The following GJB7 variants were observed in gnomAD, a reference collection of about 807,000 sequenced individuals.
GJB7 encodes gap junction beta-7 protein.
For missense variants in GJB7, 253 were observed against 256.8 expected, an observed-to-expected ratio of 0.99 and a Z score of 0.10; for synonymous variants, 87 against 95.2, an observed-to-expected ratio of 0.91 and a Z score of 0.50.
At chr6:87,302,669 T>C (rs1582560516) in intron 2 of GJB7, among the ~76,000 whole-genome samples, 2 of 151,962 alleles carry the variant, frequency 1.3e-5, no homozygotes, top group East Asian at 3.9e-4. Flanking sequence ...ATTCAGGAAA[T>C]ACAGAGAATG....
chr6:87,285,593 C>T (rs1165154122), intron 2 of GJB7, among the ~76,000 whole-genome samples: 1 of 152,158 alleles, frequency 6.6e-6, no homozygotes, highest in Admixed American at 6.5e-5. Context: ...AGAGAGTCTC[C>T]CTCTTCTTAC....
At position 87,316,495 on chromosome 6, in the gene GJB7, G is replaced by C. The variant is rs1776586566; in HGVS notation, c.-28+6371C>G. Among the ~76,000 whole-genome samples, 5 of 152,330 alleles carry C rather than the reference G, an allele frequency of 3.3e-5. No individual in the cohort carries two copies. The South Asian group carries it at 1.0e-3, about 32-fold the overall frequency. ...ATAAGTAGGAGTGAGGCAAAGGGCA[G>C]GTGTAGGAAAGAGTGTTCCATCAGG... On this transcript the variant is annotated intron_variant, in intron 2 of 2. Coordinates refer to ENST00000525899, the MANE Select transcript of GJB7 (RefSeq NM_198568.3).
At chr6:87,297,657 T>C (rs943151843) in intron 2 of GJB7, among the ~76,000 whole-genome samples, 16 of 152,202 alleles carry the variant, frequency 1.1e-4, no homozygotes, top group African/African-American at 3.6e-4. Flanking sequence ...GAAAAGGCAA[T>C]TGAATATACA....
intron 2 of GJB7, among the ~76,000 whole-genome samples, chr6:87,317,548 G>A (rs1470837614): frequency 6.6e-6 from 1 of 151,660 alleles, no homozygotes; most frequent in Non-Finnish European, 1.5e-5. Flanking sequence ...TCCTGCCTCA[G>A]CCTCCCAAGT....
chr6:87,322,842 A>C (rs1400624193), intron 2 of GJB7, 24 bp downstream of exon 2: 1 of 152,090 alleles, frequency 6.6e-6, no homozygotes, highest in African/African-American at 2.4e-5. Flanking sequence ...CTCTGGCCCC[A>C]CAGAGCCCAT....
At chr6:87,310,827 CT>C (rs1304088268) in intron 2 of GJB7, among the ~76,000 whole-genome samples, 1 of 152,142 alleles carries the variant, frequency 6.6e-6, no homozygotes, top group African/African-American at 2.4e-5. Flanking sequence ...CTTAAACACA[CT>C]TTGTATAAGA....
chr6:87,326,585 G>T (rs1208130811), intron 1 of GJB7, among the ~76,000 whole-genome samples: 2 of 148,908 alleles, frequency 1.3e-5, no homozygotes, highest in African/African-American at 5.0e-5. Flanking sequence ...TTTTGAGTGA[G>T]ATTCTTAATC....
At chr6:87,297,544 A>C (rs1776264479) in intron 2 of GJB7, among the ~76,000 whole-genome samples, 1 of 152,360 alleles carries the variant, frequency 6.6e-6, no homozygotes, top group East Asian at 1.9e-4. Context: ...AAAATTAAAA[A>C]TTGTTAATAA....
intron 2 of GJB7, among the ~76,000 whole-genome samples, chr6:87,287,756 A>G (rs1016601352): frequency 1.3e-5 from 2 of 152,168 alleles, no homozygotes; most frequent in African/African-American, 4.8e-5. Flanking sequence ...CTTGTTGGGC[A>G]TTTTAGAGGT....
intron 2 of GJB7, among the ~76,000 whole-genome samples, chr6:87,311,351 T>C (rs1291454389): frequency 6.6e-6 from 1 of 152,222 alleles, no homozygotes; most frequent in African/African-American, 2.4e-5. Flanking sequence ...CTATTCATAA[T>C]AGCCTCAAAC....
chr6:87,298,473 C>T lies in GJB7; in HGVS notation c.-27-13534G>A, dbSNP rs536444989. On this transcript the variant is annotated intron_variant, in intron 2 of 2. Coordinates refer to ENST00000525899, the MANE Select transcript of GJB7 (RefSeq NM_198568.3). ...AACGTAAAGAAGTCCTGGTACATAC[C>T]CCAGAATTTCAGTAAGGCAAATAAG... 2.0e-5 allele frequency among the ~76,000 whole-genome samples: 3 copies of T among 152,170 alleles called. No homozygotes were observed. In the South Asian group the frequency reaches 6.2e-4, roughly 32 times the overall value.
rs1360573563 is a variant in GJB7 at position 87,283,229 on chromosome 6, A to C, written c.*1012T>G. 6.6e-6 allele frequency: 1 copy of C among 152,268 alleles called. No individual in the cohort carries two copies. Among genetic ancestry groups the C allele is most frequent in the Admixed American group, 6.5e-5 (1 of 15,292 alleles). The allele number at this position is 152,268 out of a possible 1,614,324, so 9.4% of individuals were successfully genotyped here. On this transcript the variant is annotated 3_prime_UTR_variant, in exon 3 of 3. Transcript: ENST00000525899. The stretch of plus-strand genomic sequence containing the variant: ...CGAACTATGACTTACAGTATAGTAC[A>C]TAGTGAATTCCTGATTATGAAAGGT...
At chr6:87,310,827 C>T (rs934965185) in intron 2 of GJB7, among the ~76,000 whole-genome samples, 7 of 152,260 alleles carry the variant, frequency 4.6e-5, no homozygotes, top group Non-Finnish European at 7.4e-5. Context: ...CTTAAACACA[C>T]TTTGTATAAG....
At chr6:87,313,354 G>A (rs1776537290) in intron 2 of GJB7, among the ~76,000 whole-genome samples, 1 of 152,172 alleles carries the variant, frequency 6.6e-6, no homozygotes, top group African/African-American at 2.4e-5. Context: ...TTACAGTAAA[G>A]GACTTTATTA....
intron 2 of GJB7, among the ~76,000 whole-genome samples, chr6:87,318,884 T>C (rs1776620053): frequency 6.6e-6 from 1 of 152,180 alleles, no homozygotes; most frequent in South Asian, 2.1e-4. Context: ...TATGTTATTA[T>C]TTTTTAAAAA....
At chr6:87,314,679 T>C (rs1180052015) in intron 2 of GJB7, among the ~76,000 whole-genome samples, 1 of 152,204 alleles carries the variant, frequency 6.6e-6, no homozygotes, top group Non-Finnish European at 1.5e-5. Context: ...TTCAAAGCAA[T>C]GCATTGGTTA....
intron 2 of GJB7, chr6:87,300,278 G>T: frequency 5.5e-6 from 1 of 181,356 alleles, no homozygotes; most frequent in South Asian, 1.6e-4. Context: ...GCTATGTTAT[G>T]AATATGGTGG....
chr6:87,321,782 C>T (rs1357507604), intron 2 of GJB7, among the ~76,000 whole-genome samples: 1 of 152,094 alleles, frequency 6.6e-6, no homozygotes, highest in Admixed American at 6.6e-5. Context: ...GCTCCAGAGG[C>T]CTCAGGAAAC....
chr6:87,319,322 G>T (rs1776625154), intron 2 of GJB7, among the ~76,000 whole-genome samples: 1 of 152,138 alleles, frequency 6.6e-6, no homozygotes, highest in South Asian at 2.1e-4. Flanking sequence ...CCATGAAATG[G>T]GCAAGGCCTT....
Sources: gnomAD v4.1 joint callset for allele counts (sites outside exome capture counted in the v4.1 genomes callset) on GRCh38, gnomAD v4.1.1 for gene constraint, MANE v1.5 for transcripts, NCBI Gene and HGNC (gene_info 2026-07-23, HGNC 2026-07-21) for gene names.